Variants in LSM8 observed in about 807,000 individuals in gnomAD.
The protein encoded by LSM8 is LSM8 U6 small nuclear RNA associated.
A neutral mutation model predicts 15.0 loss-of-function variants in LSM8; 14 were observed. That is an observed-to-expected ratio of 0.93 (90% CI 0.62 to 1.46). LSM8 has a LOEUF of 1.46. Among genes scored for constraint, LSM8 ranks in the 40% most tolerant of loss-of-function variants. LSM8 has a pLI of 0.00. For synonymous variants in LSM8, 50 were observed against 42.1 expected, an observed-to-expected ratio of 1.19 and a Z score of -0.73; for missense variants, 90 against 115.4, an observed-to-expected ratio of 0.78 and a Z score of 1.01.
In LSM8 at chr7:118,201,785, TTAAC is replaced by T. The variant is rs1809176942; in HGVS notation, c.*9785_*9788del. Among the ~76,000 whole-genome samples, 1 of 152,124 alleles carries T rather than the reference TTAAC, an allele frequency of 6.6e-6. No individual in the cohort carries two copies. Among genetic ancestry groups the T allele is most frequent in the Non-Finnish European group, 1.5e-5 (1 of 68,000 alleles). ...TCATGTATACATTTGTGGTAACACT[TTAAC>T]TTTTTCCCTGTAAGGCCATCTTTTG... On this transcript the variant is annotated 3_prime_UTR_variant, in exon 4 of 4. Coordinates refer to ENST00000249299, the MANE Select transcript of LSM8 (RefSeq NM_016200.5).
intron 2 of LSM8, 120 bp from the exon 3 acceptor site, chr7:118,188,158 T>G (rs1162100350): frequency 8.9e-7 from 1 of 1,127,780 alleles, no homozygotes; most frequent in African/African-American, 1.6e-5. Flanking sequence ...GGCATTTTAT[T>G]TGCCGTCGTA....
rs1809204010 is a variant in LSM8 at position 118,203,706 on chromosome 7, T to G, written c.*11704T>G. On this transcript the variant is annotated 3_prime_UTR_variant, in exon 4 of 4. Coordinates refer to ENST00000249299, the MANE Select transcript of LSM8 (RefSeq NM_016200.5). ...TCTAATGGAAAAATCATCAAGATTCTCTTCCTTTTTATGATTCTATAGTAA... is the reference window on the plus strand; with the variant it reads ...TCTAATGGAAAAATCATCAAGATTCGCTTCCTTTTTATGATTCTATAGTAA... Among the ~76,000 whole-genome samples, 1 of 151,938 alleles carries G rather than the reference T, an allele frequency of 6.6e-6. No individual in the cohort carries two copies. The highest frequency in any genetic ancestry group is 2.4e-5 in the African/African-American group (1 of 41,530).
At chr7:118,188,843 C>A (rs1808928872) in intron 3 of LSM8, 1 of 153,472 alleles carries the variant, frequency 6.5e-6, no homozygotes, top group Non-Finnish European at 1.4e-5. Flanking sequence ...AATATTAATT[C>A]ATGCTCAATA....
chr7:118,195,473 T>C lies in LSM8; in HGVS notation c.*3471T>C, dbSNP rs1339909828. On this transcript the variant is annotated 3_prime_UTR_variant, in exon 4 of 4. Coordinates refer to ENST00000249299, the MANE Select transcript of LSM8 (RefSeq NM_016200.5). Reference sequence around the variant, plus strand: ...TTAAAAATATAGGTCTTGTCAGCTTTTTAAGCGTCTGTCCCACTGACTACC... The same window carrying C: ...TTAAAAATATAGGTCTTGTCAGCTTCTTAAGCGTCTGTCCCACTGACTACC... 6.6e-6 allele frequency among the ~76,000 whole-genome samples: 1 copy of C among 152,218 alleles called. No individual in the cohort carries two copies. The highest frequency in any genetic ancestry group is 1.9e-4 in the East Asian group (1 of 5,200).
rs1809199260 is a variant in LSM8 at position 118,203,412 on chromosome 7, T to G, written c.*11410T>G. ...TCCTAATATCCAATATTAATAGAGCTGTGATTATTCAAGCTGTAGACTTAA... is the reference window on the plus strand; with the variant it reads ...TCCTAATATCCAATATTAATAGAGCGGTGATTATTCAAGCTGTAGACTTAA... On this transcript the variant is annotated 3_prime_UTR_variant, in exon 4 of 4. Transcript: ENST00000249299. 6.6e-6 allele frequency among the ~76,000 whole-genome samples: 1 copy of G among 151,884 alleles called. No individual in the cohort carries two copies. Among genetic ancestry groups the G allele is most frequent in the African/African-American group, 2.4e-5 (1 of 41,416 alleles).
intron 3 of LSM8, chr7:118,191,165 A>G (rs1396824673): frequency 1.3e-5 from 2 of 152,074 alleles, no homozygotes; most frequent in Non-Finnish European, 2.9e-5. Context: ...CCCAACCAAT[A>G]CTTTTTAAAA....
rs550161178 is a variant in LSM8, at chr7:118,197,132, C to T, written c.*5130C>T. ...TCAATGTCCCTACAAGGATATGATA[C>T]GCTTTCTCTCTTCTCTTTAGGGTAA... On this transcript the variant is annotated 3_prime_UTR_variant, in exon 4 of 4. Transcript: ENST00000249299. Among the ~76,000 whole-genome samples, 15 of 151,932 alleles carry T rather than the reference C, an allele frequency of 9.9e-5. No individual in the cohort carries two copies. The highest frequency in any genetic ancestry group is 3.4e-3 in the Middle Eastern group (1 of 290).
rs561632758 is a variant in LSM8, at chr7:118,201,964, C to A, written c.*9962C>A. Among the ~76,000 whole-genome samples, 1 of 152,168 alleles carries A rather than the reference C, an allele frequency of 6.6e-6. No individual in the cohort carries two copies. Among genetic ancestry groups the A allele is most frequent in the African/African-American group, 2.4e-5 (1 of 41,548 alleles). The stretch of plus-strand genomic sequence containing the variant: ...CCCTGTGAATCTGCATGGCATAAAT[C>A]AAGTCTCTAGATCCTGATCACTTCT... On this transcript the variant is annotated 3_prime_UTR_variant, in exon 4 of 4. Transcript: ENST00000249299.
At chr7:118,185,581 A>G (rs935746700) in intron 1 of LSM8, 73 bp from the exon 2 acceptor site, 37 of 1,329,136 alleles carry the variant, frequency 2.8e-5, no homozygotes, top group Non-Finnish European at 3.8e-5. Context: ...CTAAAAATTC[A>G]AATCATTCCC....
rs999756800 is a variant in LSM8, at chr7:118,199,502, T to G, written c.*7500T>G. Among the ~76,000 whole-genome samples the G allele has an allele frequency of 2.6e-5, 4 of 152,122 alleles. No homozygotes were observed. The highest frequency in any genetic ancestry group is 4.4e-5 in the Non-Finnish European group (3 of 68,024). ...GAGCTGACACATTTTCATGTCAGAT[T>G]TTCAGATATGATAAAGGCTGGAAGT... On this transcript the variant is annotated 3_prime_UTR_variant, in exon 4 of 4. Coordinates refer to ENST00000249299, the MANE Select transcript of LSM8 (RefSeq NM_016200.5).
At chr7:118,191,796 T>G in intron 3 of LSM8, 116 bp from the exon 4 acceptor site, 1 of 727,778 alleles carries the variant, frequency 1.4e-6, no homozygotes, top group African/African-American at 1.8e-5. Flanking sequence ...TACTGTGCTC[T>G]CTCAGTTTTA....
rs1809100970 is a variant in LSM8 at position 118,197,486 on chromosome 7, C to T, written c.*5484C>T. On this transcript the variant is annotated 3_prime_UTR_variant, in exon 4 of 4. Coordinates refer to ENST00000249299, the MANE Select transcript of LSM8 (RefSeq NM_016200.5). The stretch of plus-strand genomic sequence containing the variant: ...TTATAATAAATCATACTCTAGAAAA[C>T]TCATTAACTGATACAAGTTGCCAGA... Among the ~76,000 whole-genome samples the T allele has an allele frequency of 6.6e-6, 1 of 152,088 alleles. No homozygotes were observed. Among genetic ancestry groups the T allele is most frequent in the Non-Finnish European group, 1.5e-5 (1 of 68,026 alleles).
chr7:118,192,222 G>T lies in LSM8; in HGVS notation c.*220G>T, dbSNP rs1808995077. 2.8e-6 allele frequency: 1 copy of T among 360,184 alleles called. No individual in the cohort carries two copies. Among genetic ancestry groups the T allele is most frequent in the Admixed American group, 4.3e-5 (1 of 23,300 alleles). The allele number at this position is 360,184 out of a possible 1,614,324, so 22.3% of individuals were successfully genotyped here. A position where few individuals can be genotyped will look rare whatever the true frequency, so the allele number is the denominator to read the frequency against. Reference sequence around the variant, plus strand: ...CTTGGTTTCTTTTTTTTATTAAATAGTGTGAAAATATAATGGGCATTTTGA... The same window carrying T: ...CTTGGTTTCTTTTTTTTATTAAATATTGTGAAAATATAATGGGCATTTTGA... On this transcript the variant is annotated 3_prime_UTR_variant, in exon 4 of 4. Coordinates refer to ENST00000249299, the MANE Select transcript of LSM8 (RefSeq NM_016200.5).
intron 2 of LSM8, among the ~76,000 whole-genome samples, chr7:118,186,883 AT>A (rs143252969): frequency 3.3e-5 from 5 of 151,340 alleles, no homozygotes; most frequent in African/African-American, 7.3e-5. Flanking sequence ...AGATATTTGC[AT>A]TTTTTTTTAA....
rs1412661742 is a variant in LSM8, at chr7:118,193,992, T to TA, written c.*1991dup. On this transcript the variant is annotated 3_prime_UTR_variant, in exon 4 of 4. Transcript: ENST00000249299. ...GTGAATTATTGTTTTTATGAATAGT[T>TA]ACAGAGGATGTGATGACAATATGCC... 2.0e-5 allele frequency among the ~76,000 whole-genome samples: 3 copies of TA among 152,098 alleles called. No individual in the cohort carries two copies. Among genetic ancestry groups the TA allele is most frequent in the African/African-American group, 4.8e-5 (2 of 41,446 alleles).
chr7:118,185,391 G>A, intron 1 of LSM8: 1 of 347,682 alleles, frequency 2.9e-6, no homozygotes, highest in Non-Finnish European at 5.2e-6. Flanking sequence ...TCTGCCTCCT[G>A]AGTAGCTGGG....
Position 118,193,524 on chromosome 7 carries a change from T to C in LSM8, c.*1522T>C, listed in dbSNP as rs1232417547. On this transcript the variant is annotated 3_prime_UTR_variant, in exon 4 of 4. Transcript: ENST00000249299. The stretch of plus-strand genomic sequence containing the variant: ...AGCACTATTCTCTAGAATTATTTGG[T>C]TGATGTTAAGGGCTGTCTCTGGGAG... 1.3e-5 allele frequency among the ~76,000 whole-genome samples: 2 copies of C among 152,056 alleles called. No homozygotes were observed. The highest frequency in any genetic ancestry group is 3.8e-4 in the East Asian group (2 of 5,198).
intron 3 of LSM8, chr7:118,189,973 G>A (rs1439581798): frequency 6.6e-6 from 1 of 152,138 alleles, no homozygotes; most frequent in Non-Finnish European, 1.5e-5. Flanking sequence ...AGTTATAGAG[G>A]CTAGAAGAAT....
rs1404058459 is a variant in LSM8, at chr7:118,194,626, T to C, written c.*2624T>C. On this transcript the variant is annotated 3_prime_UTR_variant, in exon 4 of 4. Coordinates refer to ENST00000249299, the MANE Select transcript of LSM8 (RefSeq NM_016200.5). ...TGATAAAAACAACTTTTAAATGGTA[T>C]TTAATGCAAATACAGAATAACGATG... Among the ~76,000 whole-genome samples, 9 of 152,162 alleles carry C rather than the reference T, an allele frequency of 5.9e-5. No individual in the cohort carries two copies. Among genetic ancestry groups the C allele is most frequent in the Non-Finnish European group, 1.2e-4 (8 of 68,012 alleles).
Sources: allele counts gnomAD v4.1 joint callset (sites outside exome capture counted in the v4.1 genomes callset), GRCh38; gene constraint gnomAD v4.1.1; transcripts MANE v1.5; gene names NCBI Gene and HGNC (gene_info 2026-07-23, HGNC 2026-07-21).